Variants in TNF observed in about 807,000 individuals in gnomAD.
TNF encodes tumor necrosis factor, also known as APC1 protein.
TNF carries 7 observed loss-of-function variants against 21.8 expected under a neutral mutation model. The observed-to-expected ratio is 0.32, with a 90% CI of 0.18 to 0.60. TNF has a LOEUF of 0.60. TNF is among the 20% of genes least tolerant of loss of function. TNF has a pLI of 0.84. For missense variants in TNF, 216 were observed against 296.6 expected, an observed-to-expected ratio of 0.73 and a Z score of 2.00; for synonymous variants, 123 against 130.2, an observed-to-expected ratio of 0.94 and a Z score of 0.38.
chr6:31,575,945 C>A lies in TNF; in HGVS notation c.186+18C>A. ...GGGAAGAGGTGAGTGCCTGGCCAGC[C>A]TTCATCCACTCTCCCACCCAAGGGG... On this transcript the variant is annotated intron_variant, in intron 1 of 3. Coordinates refer to ENST00000449264, the MANE Select transcript of TNF (RefSeq NM_000594.4). The surrounding 1 kb of genome is among the most constrained non-coding windows in gnomAD (Gnocchi z 6.2). 3.3e-6 allele frequency: 5 copies of A among 1,493,900 alleles called. No individual in the cohort carries two copies. The highest frequency in any genetic ancestry group is 4.5e-6 in the Non-Finnish European group (5 of 1,117,750). 92.5% of individuals were successfully genotyped at this position (1,493,900 alleles called of 1,614,324 possible).
Position 31,577,685 on chromosome 6 carries a change from G to A in TNF, c.*148G>A. The A allele has an allele frequency of 1.0e-6, 1 of 982,414 alleles. No homozygotes were observed. Among genetic ancestry groups the A allele is most frequent in the Non-Finnish European group, 1.6e-6 (1 of 641,454 alleles). The allele number at this position is 982,414 out of a possible 1,614,324, so 60.9% of individuals were successfully genotyped here. A position where few individuals can be genotyped will look rare whatever the true frequency, so the allele number is the denominator to read the frequency against. Reference sequence around the variant, plus strand: ...CCAAGCTTAGAACTTTAAGCAACAAGACCACCACTTCGAAACCTGGGATTC... The same window carrying A: ...CCAAGCTTAGAACTTTAAGCAACAAAACCACCACTTCGAAACCTGGGATTC... On this transcript the variant is annotated 3_prime_UTR_variant, in exon 4 of 4. Transcript: ENST00000449264. This position sits in a 1 kb window ranked among gnomAD's most constrained non-coding sequence, Gnocchi z 7.7.
At chr6:31,576,881 T>C (rs1410358802) in intron 3 of TNF, 67 bp downstream of exon 3, 4 of 1,574,852 alleles carry the variant, frequency 2.5e-6, no homozygotes, top group Non-Finnish European at 2.6e-6. Flanking sequence ...GCCCGGCTGA[T>C]GGTAGGCAGA....
At chr6:31,576,736 C>T in intron 2 of TNF, 31 bp from the exon 3 acceptor site, 1 of 1,612,986 alleles carries the variant, frequency 6.2e-7, no homozygotes, top group Non-Finnish European at 8.5e-7. Flanking sequence ...GTTTAAGGGT[C>T]TCAGCTTTTT....
In TNF at chr6:31,577,405, GT is replaced by G. The variant is rs1422952095; in HGVS notation, c.571del (p.Tyr191MetfsTer131). 1 of 1,613,032 alleles carries G rather than the reference GT, an allele frequency of 6.2e-7. No individual in the cohort carries two copies. The highest frequency in any genetic ancestry group is 8.5e-7 in the Non-Finnish European group (1 of 1,180,040). The part of the protein sequence containing the change: ...TPEGAEAKPW[Y>X]EPIYLGGVFQ... ...CAGAGGGGGCTGAGGCCAAGCCCTGGTATGAGCCCATCTATCTGGGAGGGGT... is the reference window on the plus strand; with the variant it reads ...CAGAGGGGGCTGAGGCCAAGCCCTGGATGAGCCCATCTATCTGGGAGGGGT... On this transcript the variant is annotated frameshift_variant, in exon 4 of 4. Coordinates refer to ENST00000449264, the MANE Select transcript of TNF (RefSeq NM_000594.4). LOFTEE classifies it high-confidence loss of function. This position sits in a 1 kb window ranked among gnomAD's most constrained non-coding sequence, Gnocchi z 7.7.
At position 31,577,349 on chromosome 6, in the gene TNF, G is replaced by C; in HGVS notation, c.514G>C (p.Ala172Pro). Reference protein sequence around the residue: ...SYQTKVNLLSAIKSPCQRETP... With the variant: ...SYQTKVNLLSPIKSPCQRETP... ...CCAGACCAAGGTCAACCTCCTCTCT[G>C]CCATCAAGAGCCCCTGCCAGAGGGA... Residue 172 changes from alanine (A) to proline (P), a missense_variant, in exon 4 of 4, where the codon GCC becomes CCC. Ala to Pro is a conservative substitution (Grantham distance 27). Transcript: ENST00000449264. This position sits in a 1 kb window ranked among gnomAD's most constrained non-coding sequence, Gnocchi z 7.7. 6.2e-7 allele frequency: 1 copy of C among 1,613,152 alleles called. No individual in the cohort carries two copies. The highest frequency in any genetic ancestry group is 8.5e-7 in the Non-Finnish European group (1 of 1,180,042).
At chr6:31,576,300 T>C (rs2150389031) in intron 1 of TNF, among the ~76,000 whole-genome samples, 1 of 151,190 alleles carries the variant, frequency 6.6e-6, no homozygotes, top group South Asian at 2.1e-4. Flanking sequence ...GAGCGGGAAA[T>C]ATGACAGCTA....
Position 31,575,646 on chromosome 6 carries a change from C to T in TNF, c.-96C>T, listed in dbSNP as rs1352519712. 2 of 1,237,018 alleles carry T rather than the reference C, an allele frequency of 1.6e-6. No individual in the cohort carries two copies. Among genetic ancestry groups the T allele is most frequent in the African/African-American group, 1.5e-5 (1 of 65,584 alleles). The allele number at this position is 1,237,018 out of a possible 1,614,324, so 76.6% of individuals were successfully genotyped here. On this transcript the variant is annotated 5_prime_UTR_variant, in exon 1 of 4. Coordinates refer to ENST00000449264, the MANE Select transcript of TNF (RefSeq NM_000594.4). This position sits in a 1 kb window ranked among gnomAD's most constrained non-coding sequence, Gnocchi z 6.2. ...CTACAGACCCCCCCTGAAAACAACCCTCAGACGCCACATCCCCTGACAAGC... is the reference window on the plus strand; with the variant it reads ...CTACAGACCCCCCCTGAAAACAACCTTCAGACGCCACATCCCCTGACAAGC...
At position 31,575,803 on chromosome 6, in the gene TNF, C is replaced by T. The variant is rs1160009797; in HGVS notation, c.62C>T (p.Thr21Ile). 1.2e-6 allele frequency: 2 copies of T among 1,611,262 alleles called. No homozygotes were observed. Among genetic ancestry groups the T allele is most frequent in the Non-Finnish European group, 1.7e-6 (2 of 1,178,782 alleles). ...GCCGAGGAGGCGCTCCCCAAGAAGA[C>T]AGGGGGGCCCCAGGGCTCCAGGCGG... ...ELAEEALPKK[T>I]GGPQGSRRCL... The change falls in exon 1 of 4, where the codon ACA (threonine) becomes ATA (isoleucine). Residue 21 changes from threonine (T) to isoleucine (I), a missense_variant. Thr to Ile is a moderately conservative substitution (Grantham distance 89). Transcript: ENST00000449264. This position sits in a 1 kb window ranked among gnomAD's most constrained non-coding sequence, Gnocchi z 6.2.
chr6:31,577,208 G>A lies in TNF; in HGVS notation c.373G>A (p.Val125Met). The change falls in exon 4 of 4, where the codon GTG (valine) becomes ATG (methionine). Residue 125 changes from valine (V) to methionine (M), a missense_variant. Coordinates refer to ENST00000449264, the MANE Select transcript of TNF (RefSeq NM_000594.4). This position sits in a 1 kb window ranked among gnomAD's most constrained non-coding sequence, Gnocchi z 7.7. ...CGTGGAGCTGAGAGATAACCAGCTG[G>A]TGGTGCCATCAGAGGGCCTGTACCT... ...NGVELRDNQLVVPSEGLYLIY... is the reference protein window; with the variant it reads ...NGVELRDNQLMVPSEGLYLIY... The A allele has an allele frequency of 6.2e-7, 1 of 1,613,102 alleles. No individual in the cohort carries two copies. The highest frequency in any genetic ancestry group is 8.5e-7 in the Non-Finnish European group (1 of 1,180,010).
In TNF at chr6:31,577,307, C is replaced by T; in HGVS notation, c.472C>T (p.Arg158Cys). The T allele has an allele frequency of 3.1e-6, 5 of 1,613,216 alleles. No homozygotes were observed. Among genetic ancestry groups the T allele is most frequent in the Non-Finnish European group, 4.2e-6 (5 of 1,180,044 alleles). The change falls in exon 4 of 4, where the codon CGC becomes TGC. Residue 158 changes from arginine (R) to cysteine (C), a missense_variant. Around this residue, in one of 2 missense-constraint regions of TNF, gnomAD observed 98 missense variants for 169.6 expected, o/e 0.58. Coordinates refer to ENST00000449264, the MANE Select transcript of TNF (RefSeq NM_000594.4). The surrounding 1 kb of genome is among the most constrained non-coding windows in gnomAD (Gnocchi z 7.7). ...THVLLTHTISRIAVSYQTKVN... is the reference protein window; with the variant it reads ...THVLLTHTISCIAVSYQTKVN... Reference sequence around the variant, plus strand: ...TGTGCTCCTCACCCACACCATCAGCCGCATCGCCGTCTCCTACCAGACCAA... The same window carrying T: ...TGTGCTCCTCACCCACACCATCAGCTGCATCGCCGTCTCCTACCAGACCAA...
At position 31,578,196 on chromosome 6, in the gene TNF, T is replaced by C. The variant is rs1771280332; in HGVS notation, c.*659T>C. On this transcript the variant is annotated 3_prime_UTR_variant, in exon 4 of 4. Transcript: ENST00000449264. This position sits in a 1 kb window ranked among gnomAD's most constrained non-coding sequence, Gnocchi z 6.0. Reference sequence around the variant, plus strand: ...TCTTTTGATTATGTTTTTTAAAATATTTATCTGATTAAGTTGTCTAAACAA... The same window carrying C: ...TCTTTTGATTATGTTTTTTAAAATACTTATCTGATTAAGTTGTCTAAACAA... The C allele has an allele frequency of 1.3e-5, 2 of 152,238 alleles. No homozygotes were observed. The highest frequency in any genetic ancestry group is 2.9e-5 in the Non-Finnish European group (2 of 68,054). 9.4% of individuals were successfully genotyped at this position (152,238 alleles called of 1,614,324 possible). A position where few individuals can be genotyped will look rare whatever the true frequency, so the allele number is the denominator to read the frequency against.
At position 31,577,351 on chromosome 6, in the gene TNF, C is replaced by T. The variant is rs1771234281; in HGVS notation, c.516C>T (p.Ala172=). The T allele has an allele frequency of 6.2e-7, 1 of 1,613,100 alleles. No individual in the cohort carries two copies. The highest frequency in any genetic ancestry group is 1.1e-5 in the South Asian group (1 of 91,094). Residue 172 remains alanine (A), a synonymous_variant, in exon 4 of 4, where the codon GCC becomes GCT. Coordinates refer to ENST00000449264, the MANE Select transcript of TNF (RefSeq NM_000594.4). The surrounding 1 kb of genome is among the most constrained non-coding windows in gnomAD (Gnocchi z 7.7). ...AGACCAAGGTCAACCTCCTCTCTGC[C>T]ATCAAGAGCCCCTGCCAGAGGGAGA... ...SYQTKVNLLS[A]IKSPCQRETP...
At chr6:31,576,312 G>A (rs1771179103) in intron 1 of TNF, among the ~76,000 whole-genome samples, 1 of 152,172 alleles carries the variant, frequency 6.6e-6, no homozygotes, top group Non-Finnish European at 1.5e-5. Context: ...TGACAGCTAA[G>A]GAGAGAGATG....
chr6:31,576,924 C>T, intron 3 of TNF, 110 bp downstream of exon 3: 9 of 1,447,260 alleles, frequency 6.2e-6, no homozygotes, highest in Non-Finnish European at 8.7e-6. Flanking sequence ...ACTCGCTGAG[C>T]TCAAGGGAAG....
chr6:31,577,663 A>C lies in TNF; in HGVS notation c.*126A>C. 2 of 1,227,822 alleles carry C rather than the reference A, an allele frequency of 1.6e-6. No homozygotes were observed. The highest frequency in any genetic ancestry group is 2.3e-6 in the Non-Finnish European group (2 of 860,402). 76.1% of individuals were successfully genotyped at this position (1,227,822 alleles called of 1,614,324 possible). A position where few individuals can be genotyped will look rare whatever the true frequency, so the allele number is the denominator to read the frequency against. ...ATTGGGGGCTTAGGGTCGGAACCCA[A>C]GCTTAGAACTTTAAGCAACAAGACC... On this transcript the variant is annotated 3_prime_UTR_variant, in exon 4 of 4. Coordinates refer to ENST00000449264, the MANE Select transcript of TNF (RefSeq NM_000594.4). The surrounding 1 kb of genome is among the most constrained non-coding windows in gnomAD (Gnocchi z 7.7).
At chr6:31,576,401 G>C (rs890075403) in intron 1 of TNF, 133 bp from the exon 2 acceptor site, 1 of 832,496 alleles carries the variant, frequency 1.2e-6, no homozygotes, top group African/African-American at 1.7e-5. Context: ...ATGCCTGGAA[G>C]GTGAATACAC....
rs1771134434 is a variant in TNF at position 31,575,588 on chromosome 6, C to T, written c.-154C>T. 2 of 680,782 alleles carry T rather than the reference C, an allele frequency of 2.9e-6. No individual in the cohort carries two copies. The highest frequency in any genetic ancestry group is 1.8e-5 in the African/African-American group (1 of 55,020). The allele number at this position is 680,782 out of a possible 1,614,324, so 42.2% of individuals were successfully genotyped here. On this transcript the variant is annotated 5_prime_UTR_variant, in exon 1 of 4. Coordinates refer to ENST00000449264, the MANE Select transcript of TNF (RefSeq NM_000594.4). The surrounding 1 kb of genome is among the most constrained non-coding windows in gnomAD (Gnocchi z 6.2). The stretch of plus-strand genomic sequence containing the variant: ...CCAGCAGACGCTCCCTCAGCAAGGA[C>T]AGCAGAGGACCAGCTAAGAGGGAGA...
chr6:31,576,326 G>T (rs934791652), intron 1 of TNF, among the ~76,000 whole-genome samples: 3 of 152,140 alleles, frequency 2.0e-5, no homozygotes, highest in African/African-American at 7.2e-5. Flanking sequence ...AGAGATGGGG[G>T]AGATAAGGAG....
chr6:31,577,126 A>G lies in TNF; in HGVS notation c.291A>G (p.Gln97=), dbSNP rs1363819544. Residue 97 remains glutamine (Q), a synonymous_variant, in exon 4 of 4, where the codon CAA becomes CAG. Coordinates refer to ENST00000449264, the MANE Select transcript of TNF (RefSeq NM_000594.4). This position sits in a 1 kb window ranked among gnomAD's most constrained non-coding sequence, Gnocchi z 7.7. ...TCTCCCTCCCTCCAGCAAACCCTCA[A>G]GCTGAGGGGCAGCTCCAGTGGCTGA... The part of the protein sequence containing the change: ...KPVAHVVANP[Q]AEGQLQWLNR... 6.2e-7 allele frequency: 1 copy of G among 1,606,974 alleles called. No homozygotes were observed. Among genetic ancestry groups the G allele is most frequent in the Non-Finnish European group, 8.5e-7 (1 of 1,176,848 alleles).
Sources: allele counts gnomAD v4.1 joint callset (sites outside exome capture counted in the v4.1 genomes callset), GRCh38; gene constraint gnomAD v4.1.1; regional missense constraint gnomAD v4.1.1; non-coding constraint Gnocchi (gnomAD v3.1); transcripts MANE v1.5; gene names NCBI Gene and HGNC (gene_info 2026-07-23, HGNC 2026-07-21).